Variants in POU6F2 observed in about 807,000 individuals in gnomAD.
POU6F2 encodes the protein POU domain, class 6, transcription factor 2.
A neutral mutation model predicts 71.3 loss-of-function variants in POU6F2; 31 were observed. The observed-to-expected ratio is 0.43, with a 90% CI of 0.33 to 0.59. The LOEUF (loss-of-function observed/expected upper bound fraction) is 0.59. Ranked by LOEUF, POU6F2 falls within the 20% of genes least tolerant of loss-of-function variation. The pLI is 0.04. For missense variants in POU6F2, 783 were observed against 856.8 expected (o/e 0.91, Z 1.07); for synonymous variants, 347 against 355.7 (o/e 0.98, Z 0.27).
chr7:39,245,499 CTTATT>C, intron 4 of POU6F2, among the ~76,000 whole-genome samples: 1 of 152,144 alleles, frequency 6.6e-6, no homozygotes, highest in Admixed American at 6.6e-5. Context: ...GAAAGAAAAT[CTTATT>C]TTATGACTTG....
rs10600961 is a variant in POU6F2, at chr7:39,130,147, G to GGTGT, written c.277+44147_277+44150dup. Among the ~76,000 whole-genome samples the GGTGT allele has an allele frequency of 2.5e-3, 364 of 143,428 alleles. 1 individual carries two copies. The highest frequency in any genetic ancestry group is 6.5e-3 in the East Asian group (32 of 4,948). The allele number at this position is 143,428 out of a possible 152,430, so 94.1% of individuals were successfully genotyped here. A position where few individuals can be genotyped will look rare whatever the true frequency, so the allele number is the denominator to read the frequency against. ...TTTTTTTAAAGTAAAGAAAGGGGTA[G>GGTGT]GTGTGTGTGTGTGTGTGTGTGTGTG... is the stretch of plus-strand genomic sequence containing the variant. On this transcript the variant is annotated intron_variant, in intron 2 of 9. Coordinates refer to ENST00000518318, the MANE Select transcript of POU6F2 (RefSeq NM_001370959.1).
chr7:39,194,374 T>C (rs1002512252), intron 2 of POU6F2, among the ~76,000 whole-genome samples: 17 of 152,328 alleles, frequency 1.1e-4, no homozygotes, highest in African/African-American at 3.6e-4. Context: ...TGTTTGATCA[T>C]GATAGTGAGA....
intron 4 of POU6F2, among the ~76,000 whole-genome samples, chr7:39,334,841 A>G (rs1785732869): frequency 6.6e-6 from 1 of 152,184 alleles, no homozygotes. Flanking sequence ...CAATAAATAC[A>G]GAGTTAGGGA....
In POU6F2 at chr7:39,413,374, T is replaced by C. The variant is rs572899213; in HGVS notation, c.1113+6634T>C. 3.3e-5 allele frequency among the ~76,000 whole-genome samples: 5 copies of C among 152,300 alleles called. No homozygotes were observed. In the East Asian group the frequency reaches 9.6e-4, roughly 29 times the overall value. On this transcript the variant is annotated intron_variant, in intron 6 of 9. Coordinates refer to ENST00000518318, the MANE Select transcript of POU6F2 (RefSeq NM_001370959.1). Reference sequence around the variant, plus strand: ...ATAATATGTACAGAATAATACCATTTTTAAATACAAAAAAGGCAAAAGAAT... The same window carrying C: ...ATAATATGTACAGAATAATACCATTCTTAAATACAAAAAAGGCAAAAGAAT...
At chr7:39,054,034 G>C (rs1050932321) in intron 1 of POU6F2, among the ~76,000 whole-genome samples, 1 of 151,780 alleles carries the variant, frequency 6.6e-6, no homozygotes, top group African/African-American at 2.4e-5. Flanking sequence ...ACCTGGAGGT[G>C]GAGGTTGCAG....
intron 6 of POU6F2, among the ~76,000 whole-genome samples, chr7:39,417,650 T>C (rs1562822290): frequency 6.6e-6 from 1 of 152,058 alleles, no homozygotes; most frequent in African/African-American, 2.4e-5. Context: ...GGAAAAAAAA[T>C]GTTGCACACT....
chr7:39,228,562 T>A (rs1018906193), intron 4 of POU6F2, among the ~76,000 whole-genome samples: 1 of 152,220 alleles, frequency 6.6e-6, no homozygotes, highest in Non-Finnish European at 1.5e-5. Context: ...TCACCAGCAG[T>A]GTTTGTGGCA....
rs1793304952 is a variant in POU6F2, at chr7:39,175,284, TTTCA to T, written c.278-28946_278-28943del. ...ATACTTCCAGCTTTCTACTAGACACTTTCATTCAGACATCCCAGTAGGCACCTCA... is the reference window on the plus strand; with the variant it reads ...ATACTTCCAGCTTTCTACTAGACACTTTCAGACATCCCAGTAGGCACCTCA... On this transcript the variant is annotated intron_variant, in intron 2 of 9. Transcript: ENST00000518318. Among the ~76,000 whole-genome samples the T allele has an allele frequency of 2.0e-5, 3 of 152,322 alleles. No individual in the cohort carries two copies. In the South Asian group the frequency reaches 6.2e-4, roughly 32 times the overall value.
In POU6F2 at chr7:39,433,030, C is replaced by T. The variant is rs758969634; in HGVS notation, c.1114-47C>T. The T allele has an allele frequency of 5.9e-5, 94 of 1,595,054 alleles. 1 individual carries two copies. In the Admixed American group the frequency reaches 1.4e-3, roughly 24 times the overall value. The stretch of plus-strand genomic sequence containing the variant: ...ACTGCATGGTCTTCAGTTGCATGCA[C>T]AGACCCTTCACCGAGCCAGCTCCTC... On this transcript the variant is annotated intron_variant, in intron 6 of 9. Coordinates refer to ENST00000518318, the MANE Select transcript of POU6F2 (RefSeq NM_001370959.1).
intron 2 of POU6F2, 51 bp from the exon 3 acceptor site, chr7:39,204,184 G>A: frequency 2.7e-6 from 4 of 1,500,274 alleles, no homozygotes; most frequent in South Asian, 2.3e-5. Flanking sequence ...TGTGACATCA[G>A]TTCCCAAGCT....
At chr7:38,992,081 T>C (rs1463879808) in intron 1 of POU6F2, among the ~76,000 whole-genome samples, 3 of 152,152 alleles carry the variant, frequency 2.0e-5, no homozygotes, top group Non-Finnish European at 2.9e-5. Context: ...ATACAACTCC[T>C]AAGTCTCTCT....
At chr7:38,999,140 T>A (rs1788827541) in intron 1 of POU6F2, among the ~76,000 whole-genome samples, 1 of 152,238 alleles carries the variant, frequency 6.6e-6, no homozygotes, top group African/African-American at 2.4e-5. Context: ...CCTAATAGCA[T>A]CTCCCCTATA....
chr7:39,431,211 C>T (rs1034106451), intron 6 of POU6F2, among the ~76,000 whole-genome samples: 3 of 152,176 alleles, frequency 2.0e-5, no homozygotes, highest in Non-Finnish European at 4.4e-5. Context: ...CAGTAATTAC[C>T]TGAACTTTAT....
intron 2 of POU6F2, among the ~76,000 whole-genome samples, chr7:39,134,831 T>C (rs1464862696): frequency 6.6e-6 from 1 of 152,222 alleles, no homozygotes; most frequent in African/African-American, 2.4e-5. Context: ...ATGAGTCCTG[T>C]ATTTTTTAAA....
Position 39,350,332 on chromosome 7 carries a change from G to A in POU6F2, c.972+10317G>A, listed in dbSNP as rs572363686. 2.0e-5 allele frequency among the ~76,000 whole-genome samples: 3 copies of A among 152,230 alleles called. No homozygotes were observed. In the South Asian group the frequency reaches 6.2e-4, roughly 32 times the overall value. On this transcript the variant is annotated intron_variant, in intron 5 of 9. Transcript: ENST00000518318. ...TAAAGAGAACAAAGCAACATTTAGG[G>A]GTCCGGGGAGAAGATTTAAGAGAAA...
At chr7:39,067,050 T>C (rs1458234309) in intron 1 of POU6F2, among the ~76,000 whole-genome samples, 124 of 148,788 alleles carry the variant, frequency 8.3e-4, no homozygotes, top group Non-Finnish European at 1.5e-5. Context: ...AAAATGTATA[T>C]ATTATGTATA....
At chr7:39,014,850 G>C (rs1789428560) in intron 1 of POU6F2, among the ~76,000 whole-genome samples, 2 of 152,170 alleles carry the variant, frequency 1.3e-5, no homozygotes, top group South Asian at 4.1e-4. Flanking sequence ...TGTAATAAAT[G>C]ATGGCGCCTC....
intron 4 of POU6F2, among the ~76,000 whole-genome samples, chr7:39,299,403 G>A (rs1784911797): frequency 6.6e-6 from 1 of 151,976 alleles, no homozygotes; most frequent in Admixed American, 6.6e-5. Flanking sequence ...ACTTAGAGAG[G>A]GAACTCAAAT....
intron 1 of POU6F2, among the ~76,000 whole-genome samples, chr7:39,008,305 T>G (rs1288259563): frequency 6.6e-6 from 1 of 151,750 alleles, no homozygotes; most frequent in Non-Finnish European, 1.5e-5. Context: ...TCATGTGTTT[T>G]TTGGCTGCAT....
Sources: allele counts gnomAD v4.1 joint callset (sites outside exome capture counted in the v4.1 genomes callset), GRCh38; gene constraint gnomAD v4.1.1; transcripts MANE v1.5; gene names NCBI Gene and HGNC (gene_info 2026-07-23, HGNC 2026-07-21).